FCRL6: variants seen among roughly 807,000 people sequenced by gnomAD.
The protein encoded by FCRL6 is Fc receptor like 6.
FCRL6 carries 50 observed loss-of-function variants against 49.1 expected under a neutral mutation model. The observed-to-expected ratio is 1.02, with a 90% confidence interval of 0.81 to 1.29. The LOEUF is 1.29. Ranked by LOEUF, FCRL6 falls within the 50% of genes most tolerant of loss-of-function variation. FCRL6 has a pLI of 0.00. For missense variants in FCRL6, 571 were observed against 518.5 expected, an observed-to-expected ratio of 1.10 and a Z score of -0.98; for synonymous variants, 213 against 199.6, an observed-to-expected ratio of 1.07 and a Z score of -0.57.
At chr1:159,806,760 C>A in intron 2 of FCRL6, 144 bp downstream of exon 2, 1 of 852,372 alleles carries the variant, frequency 1.2e-6, no homozygotes, top group African/African-American at 1.7e-5. Context: ...GAGTCTTGGC[C>A]AGTTCCTAGG....
At chr1:159,804,396 G>C (rs531587440) in intron 1 of FCRL6, among the ~76,000 whole-genome samples, 1 of 152,172 alleles carries the variant, frequency 6.6e-6, no homozygotes, top group Non-Finnish European at 1.5e-5. Flanking sequence ...AATATCTCCC[G>C]ATCCCTCAGA....
rs377697676 is a variant in FCRL6, at chr1:159,809,117, G to A, written c.476G>A (p.Arg159Lys). The A allele has an allele frequency of 6.8e-6, 11 of 1,614,010 alleles. No individual in the cohort carries two copies. In the East Asian group the frequency reaches 2.2e-4, roughly 33 times the overall value. Residue 159 changes from arginine to lysine, a missense_variant, in exon 4 of 10, where the codon AGG becomes AAG. Physicochemically the swap from Arg to Lys is conservative, Grantham distance 26 (BLOSUM62 2). Coordinates refer to ENST00000368106, the MANE Select transcript of FCRL6 (RefSeq NM_001004310.3). Reference protein sequence around the residue: ...FHKDGHTLQDRGPHPELCIPG... With the variant: ...FHKDGHTLQDKGPHPELCIPG... ...AAGGACGGCCACACCTTGCAGGACA[G>A]GGGCCCTCACCCAGAACTCTGCATC...
intron 6 of FCRL6, among the ~76,000 whole-genome samples, chr1:159,810,771 T>A (rs1663045870): frequency 6.6e-6 from 1 of 152,216 alleles, no homozygotes; most frequent in African/African-American, 2.4e-5. Flanking sequence ...TAGACAAGAC[T>A]GAGCAATGGC....
intron 1 of FCRL6, among the ~76,000 whole-genome samples, chr1:159,803,870 A>G (rs555738317): frequency 6.6e-5 from 10 of 152,318 alleles, no homozygotes; most frequent in South Asian, 4.1e-4. Flanking sequence ...GTGTGTAGCA[A>G]CATTTATCTT....
At chr1:159,804,024 A>C (rs1265064295) in intron 1 of FCRL6, among the ~76,000 whole-genome samples, 1 of 152,164 alleles carries the variant, frequency 6.6e-6, no homozygotes, top group Non-Finnish European at 1.5e-5. Flanking sequence ...GCTGAATGTG[A>C]AATATGTATT....
Position 159,813,596 on chromosome 1 carries a change from A to T in FCRL6, c.1075+42A>T, listed in dbSNP as rs1663213822. The T allele has an allele frequency of 2.6e-6, 4 of 1,554,644 alleles. No homozygotes were observed. In the East Asian group the frequency reaches 9.0e-5, roughly 35 times the overall value. On this transcript the variant is annotated intron_variant, in intron 7 of 9. Transcript: ENST00000368106. ...GGATGGTGGTGTGCCCATGTGGGCC[A>T]AAAAGAGCTTCTTAAGGGAAGTAAG...
At chr1:159,810,349 T>C (rs985917969) in intron 6 of FCRL6, 133 bp downstream of exon 6, 2 of 1,099,216 alleles carry the variant, frequency 1.8e-6, no homozygotes, top group Non-Finnish European at 1.3e-6. Context: ...GGGACTTCTC[T>C]TCCTGTGTCA....
chr1:159,813,251 A>G (rs1663188028), intron 6 of FCRL6, among the ~76,000 whole-genome samples: 1 of 152,148 alleles, frequency 6.6e-6, no homozygotes. Context: ...AATGTGATCC[A>G]TTCTTGCTGA....
chr1:159,814,086 T>A, intron 7 of FCRL6, 135 bp from the exon 8 acceptor site: 1 of 789,168 alleles, frequency 1.3e-6, no homozygotes, highest in Non-Finnish European at 2.1e-6. Context: ...TATCCCCACA[T>A]TAGTGACCAA....
In FCRL6 at chr1:159,815,761, C is replaced by A; in HGVS notation, c.*100C>A. On this transcript the variant is annotated 3_prime_UTR_variant, in exon 10 of 10. Transcript: ENST00000368106. ...CTCTTTCTGTGGGTCCTTCAGTTCC[C>A]AAGCCCAGCATCACAGAGCCCCCTG... 1.4e-6 allele frequency: 2 copies of A among 1,457,620 alleles called. No homozygotes were observed. The highest frequency in any genetic ancestry group is 1.9e-6 in the Non-Finnish European group (2 of 1,062,340). 90.3% of individuals were successfully genotyped at this position (1,457,620 alleles called of 1,614,324 possible).
upstream of FCRL6, chr1:159,800,549 A>T (rs1333064744): frequency 6.5e-7 from 1 of 1,534,782 alleles, no homozygotes; most frequent in Non-Finnish European, 8.8e-7. Context: ...GAAGTTGAAG[A>T]CAACTCAGGA....
In FCRL6 at chr1:159,813,565, C is replaced by T; in HGVS notation, c.1075+11C>T. The T allele has an allele frequency of 6.2e-7, 1 of 1,613,162 alleles. No individual in the cohort carries two copies. The highest frequency in any genetic ancestry group is 8.5e-7 in the Non-Finnish European group (1 of 1,179,116). ...CACTATATGCCAACGGTAAGGACTTCCAGCAGGATGGTGGTGTGCCCATGT... is the reference window on the plus strand; with the variant it reads ...CACTATATGCCAACGGTAAGGACTTTCAGCAGGATGGTGGTGTGCCCATGT... On this transcript the variant is annotated intron_variant, in intron 7 of 9. Coordinates refer to ENST00000368106, the MANE Select transcript of FCRL6 (RefSeq NM_001004310.3).
chr1:159,810,046 GAA>G (rs1557876430), intron 5 of FCRL6, 46 bp from the exon 6 acceptor site: 1 of 1,584,292 alleles, frequency 6.3e-7, no homozygotes, highest in Non-Finnish European at 8.6e-7. Context: ...ATGCATTTCC[GAA>G]TTTTATCTTC....
rs182457397 is a variant in FCRL6, at chr1:159,807,842, G to A, written c.53-336G>A. On this transcript the variant is annotated intron_variant, in intron 2 of 9. Transcript: ENST00000368106. ...ATGCAATTAAGCCAAGCTTGGCAAG[G>A]CAGACAGGAAAGTGCAATATAAAAG... Among the ~76,000 whole-genome samples, 6 of 152,074 alleles carry A rather than the reference G, an allele frequency of 3.9e-5. No homozygotes were observed. The East Asian group carries it at 5.8e-4, about 15-fold the overall frequency.
Position 159,814,224 on chromosome 1 carries a change from A to C in FCRL6, c.1079A>C (p.His360Pro), listed in dbSNP as rs762774496. 6.2e-7 allele frequency: 1 copy of C among 1,613,806 alleles called. No homozygotes were observed. The highest frequency in any genetic ancestry group is 1.3e-5 in the African/African-American group (1 of 74,930). ...GEQCPLYANV[H>P]HQKGKDEGVV... ...TAAGCCTCATTCCTTCTTCCAGTGC[A>C]TCACCAGAAAGGGAAAGATGAAGGT... The change falls in exon 8 of 10, where the codon CAT becomes CCT. Residue 360 changes from histidine (H) to proline (P), a missense_variant. Physicochemically the swap from His to Pro is moderately conservative, Grantham distance 77. Coordinates refer to ENST00000368106, the MANE Select transcript of FCRL6 (RefSeq NM_001004310.3).
intron 7 of FCRL6, 38 bp downstream of exon 7, chr1:159,813,592 G>C: frequency 6.3e-7 from 1 of 1,580,220 alleles, no homozygotes; most frequent in Non-Finnish European, 8.7e-7. Flanking sequence ...TGCCCATGTG[G>C]GCCAAAAAGA....
chr1:159,800,767 A>ACCT (rs1662277742), upstream of FCRL6, among the ~76,000 whole-genome samples: 2 of 152,210 alleles, frequency 1.3e-5, no homozygotes, highest in Admixed American at 6.5e-5. Flanking sequence ...AACTTAGAAA[A>ACCT]TTCTCTCTGT....
chr1:159,813,220 C>G (rs1388707405), intron 6 of FCRL6, among the ~76,000 whole-genome samples: 2 of 152,180 alleles, frequency 1.3e-5, no homozygotes, highest in African/African-American at 4.8e-5. Flanking sequence ...GACTGGTAAG[C>G]CTAGGCCCTC....
At chr1:159,813,580 T>A in intron 7 of FCRL6, 26 bp downstream of exon 7, 1 of 1,605,538 alleles carries the variant, frequency 6.2e-7, no homozygotes, top group Non-Finnish European at 8.5e-7. Context: ...AGGATGGTGG[T>A]GTGCCCATGT....
Sources: gnomAD v4.1 joint callset for allele counts (sites outside exome capture counted in the v4.1 genomes callset) on GRCh38, gnomAD v4.1.1 for gene constraint, MANE v1.5 for transcripts, NCBI Gene and HGNC (gene_info 2026-07-23, HGNC 2026-07-21) for gene names.